The following COL16A1 variants were observed in gnomAD, a reference collection of about 807,000 sequenced individuals.
COL16A1 encodes the protein collagen type XVI alpha 1 chain.
A neutral mutation model predicts 266.3 loss-of-function variants in COL16A1; 189 were observed. The ratio of observed to expected loss-of-function variants is 0.71; its 90% CI spans 0.63 to 0.80. The LOEUF (loss-of-function observed/expected upper bound fraction) is 0.80, where lower values mean the gene tolerates loss of function less well. Among genes scored for constraint, COL16A1 ranks in the 30% least tolerant of loss-of-function variants. The probability of loss-of-function intolerance (pLI) is 0.00; values close to 1 mark genes in which losing one functional copy is unlikely to be tolerated. For missense variants in COL16A1, 1,928 were observed against 2,122.4 expected (o/e 0.91, Z 1.80); for synonymous variants, 740 against 782.3 (o/e 0.95, Z 0.90).
In COL16A1 at chr1:31,698,731, A is replaced by G. The variant is rs188396509; in HGVS notation, c.267-125T>C. The G allele has an allele frequency of 2.6e-5, 37 of 1,441,256 alleles. No homozygotes were observed. In the African/African-American group the frequency reaches 4.7e-4, roughly 18 times the overall value. The allele number at this position is 1,441,256 out of a possible 1,614,324, so 89.3% of individuals were successfully genotyped here. ...CAGGCACACATCTTCCATCATATAC[A>G]TTCATTCACTCTCCATACCTTTACT... On this transcript the variant is annotated intron_variant, in intron 4 of 70. Transcript: ENST00000373672. This position sits in a 1 kb window ranked among gnomAD's most constrained non-coding sequence, Gnocchi z 4.1.
At chr1:31,699,337 A>G (rs1259592836) in intron 4 of COL16A1, among the ~76,000 whole-genome samples, 1 of 152,204 alleles carries the variant, frequency 6.6e-6, no homozygotes, top group Non-Finnish European at 1.5e-5. Flanking sequence ...AAGGAGAGAT[A>G]CTGAAAAAAA....
chr1:31,661,064 A>G lies in COL16A1; in HGVS notation c.3825+2T>C. 1 of 1,562,246 alleles carries G rather than the reference A, an allele frequency of 6.4e-7. No homozygotes were observed. On this transcript the variant is annotated splice_donor_variant, in intron 61 of 70. Coordinates refer to ENST00000373672, the MANE Select transcript of COL16A1 (RefSeq NM_001856.4). LOFTEE classifies it high-confidence loss of function. The stretch of plus-strand genomic sequence containing the variant: ...GCAGCCATGTGGATCCCTGGCCCTC[A>G]CCTCTGCGCCAGGCCGGCCAGTGCT...
At position 31,661,714 on chromosome 1, in the gene COL16A1, G is replaced by C. The variant is rs759633537; in HGVS notation, c.3682-10C>G. ...CAGGACCAGGGTCCCCCTAGGGAAA[G>C]AGACGAGGAGGATTGAGACAAGAGT... is the stretch of plus-strand genomic sequence containing the variant. On this transcript the variant is annotated splice_polypyrimidine_tract_variant and intron_variant, in intron 58 of 70. Coordinates refer to ENST00000373672, the MANE Select transcript of COL16A1 (RefSeq NM_001856.4). 5.0e-6 allele frequency: 8 copies of C among 1,593,470 alleles called. No individual in the cohort carries two copies. The highest frequency in any genetic ancestry group is 1.4e-5 in the African/African-American group (1 of 73,244).
chr1:31,698,480 C>T lies in COL16A1; in HGVS notation c.390+3G>A. 2.5e-6 allele frequency: 4 copies of T among 1,614,088 alleles called. No homozygotes were observed. Among genetic ancestry groups the T allele is most frequent in the Non-Finnish European group, 3.4e-6 (4 of 1,179,988 alleles). ...AGGCAATCAGGGCACAGGGGAGGTTCACCTGTGGATACCCATTTGCATCGG... is the reference window on the plus strand; with the variant it reads ...AGGCAATCAGGGCACAGGGGAGGTTTACCTGTGGATACCCATTTGCATCGG... On this transcript the variant is annotated splice_donor_region_variant and intron_variant, in intron 5 of 70. Coordinates refer to ENST00000373672, the MANE Select transcript of COL16A1 (RefSeq NM_001856.4). This position sits in a 1 kb window ranked among gnomAD's most constrained non-coding sequence, Gnocchi z 4.1.
At chr1:31,695,808 G>A (rs1009174762) in intron 9 of COL16A1, 21 bp from the exon 10 acceptor site, 34 of 1,609,368 alleles carry the variant, frequency 2.1e-5, no homozygotes, top group Non-Finnish European at 2.7e-5. Context: ...GGTGGGGGGT[G>A]TGGGAATGGG....
intron 29 of COL16A1, 75 bp from the exon 30 acceptor site, chr1:31,684,931 G>A: frequency 1.9e-6 from 3 of 1,607,746 alleles, no homozygotes; most frequent in Non-Finnish European, 2.5e-6. Context: ...CATCAGGCTG[G>A]GGCATACAAC....
intron 22 of COL16A1, 57 bp from the exon 23 acceptor site, chr1:31,689,908 C>T (rs1391484340): frequency 3.3e-6 from 5 of 1,495,886 alleles, no homozygotes; most frequent in Non-Finnish European, 4.7e-6. Context: ...CCAGGGAAGG[C>T]AAGGGGCCTC....
rs773827553 is a variant in COL16A1, at chr1:31,667,620, C to T, written c.3312G>A (p.Lys1104=). The T allele has an allele frequency of 3.7e-6, 6 of 1,605,526 alleles. No homozygotes were observed. The African/African-American group carries it at 4.0e-5, about 11-fold the overall frequency. Residue 1104 remains lysine, a synonymous_variant, in exon 52 of 71, where the codon AAG becomes AAA. Transcript: ENST00000373672. ...CTGACCCGGTGTAGCCACGCTCCCC[C>T]TTGATGCCCTGACAAGTGGCAAAGA... is the stretch of plus-strand genomic sequence containing the variant. The part of the protein sequence containing the change: ...ATGPPGLPGI[K]GERGYTGSAG...
rs1425729283 is a variant in COL16A1, at chr1:31,685,860, G to A, written c.1885-90C>T. On this transcript the variant is annotated intron_variant, in intron 28 of 70. Coordinates refer to ENST00000373672, the MANE Select transcript of COL16A1 (RefSeq NM_001856.4). The surrounding 1 kb of genome is among the most constrained non-coding windows in gnomAD (Gnocchi z 4.0). ...AATCTAGGGCTGGGGAATGTCACTG[G>A]GTCTGACACTGCACCTCTGCTGGGT... 9 of 1,572,682 alleles carry A rather than the reference G, an allele frequency of 5.7e-6. No individual in the cohort carries two copies. In the East Asian group the frequency reaches 1.6e-4, roughly 28 times the overall value.
In COL16A1 at chr1:31,662,346, C is replaced by T; in HGVS notation, c.3669G>A (p.Lys1223=). Residue 1223 remains lysine (K), a synonymous_variant, in exon 58 of 71, where the codon AAG becomes AAA. Transcript: ENST00000373672. ...GLDGLDGKDG[K]PGLRGDPGPA... is the part of the protein sequence containing the mutation. ...CCCATCATCTCACCCTCAAGCCAGG[C>T]TTGCCGTCCTTCCCATCCAAACCAT... is the stretch of plus-strand genomic sequence containing the variant. The T allele has an allele frequency of 6.2e-7, 1 of 1,608,856 alleles. No individual in the cohort carries two copies. The highest frequency in any genetic ancestry group is 8.5e-7 in the Non-Finnish European group (1 of 1,177,266).
At chr1:31,660,012 T>C (rs991064165) in intron 62 of COL16A1, 3 of 139,474 alleles carry the variant, frequency 2.2e-5, no homozygotes, top group African/African-American at 7.6e-5. Context: ...GAAAGCCTCC[T>C]GGAAATTATT....
At chr1:31,679,283 A>C (rs1436378640) in intron 42 of COL16A1, 1 of 954,514 alleles carries the variant, frequency 1.0e-6, no homozygotes, top group African/African-American at 1.6e-5. Flanking sequence ...GCCAGAAAAT[A>C]GCAAATGTGC....
chr1:31,683,184 A>T lies in COL16A1; in HGVS notation c.2469+10T>A. The T allele has an allele frequency of 1.2e-6, 2 of 1,614,124 alleles. No homozygotes were observed. The highest frequency in any genetic ancestry group is 1.7e-6 in the Non-Finnish European group (2 of 1,180,012). ...CTGCAGGCCCAATACCCATGGAGGC[A>T]GAGGCTCACCTGGGCACCCTTCTCT... On this transcript the variant is annotated intron_variant, in intron 36 of 70. Transcript: ENST00000373672.
At chr1:31,683,769 T>G in intron 33 of COL16A1, 21 bp from the exon 34 acceptor site, 1 of 1,613,978 alleles carries the variant, frequency 6.2e-7, no homozygotes, top group Non-Finnish European at 8.5e-7. Flanking sequence ...AGAAGGACAG[T>G]CCCTGGCTCG....
chr1:31,675,807 C>T (rs1643134083), intron 42 of COL16A1, among the ~76,000 whole-genome samples: 1 of 152,098 alleles, frequency 6.6e-6, no homozygotes, highest in Non-Finnish European at 1.5e-5. Flanking sequence ...ACTAGAGGCG[C>T]TCACCACCAT....
In COL16A1 at chr1:31,670,859, T is replaced by C. The variant is rs992063999; in HGVS notation, c.3151-213A>G. On this transcript the variant is annotated intron_variant, in intron 48 of 70. Transcript: ENST00000373672. This position sits in a 1 kb window ranked among gnomAD's most constrained non-coding sequence, Gnocchi z 4.5. The stretch of plus-strand genomic sequence containing the variant: ...AGAATGGCTCCTCCGTTGACGGAGA[T>C]GCGGAATGGCTCCAGAGTCAGAGGG... 1.3e-5 allele frequency among the ~76,000 whole-genome samples: 2 copies of C among 152,210 alleles called. No homozygotes were observed. The highest frequency in any genetic ancestry group is 2.4e-5 in the African/African-American group (1 of 41,456).
At chr1:31,689,545 A>G (rs768107147) in intron 23 of COL16A1, 196 bp downstream of exon 23, 5 of 605,310 alleles carry the variant, frequency 8.3e-6, no homozygotes, top group Non-Finnish European at 1.5e-5. Context: ...TGGAGACCGG[A>G]GGTGGCACTC....
chr1:31,692,721 CTGGCCCCATA>C (rs777377944), intron 14 of COL16A1, 36 bp downstream of exon 14: 139 of 1,612,938 alleles, frequency 8.6e-5, no homozygotes, highest in Non-Finnish European at 1.2e-4. Context: ...TCCCCAGGGG[CTGGCCCCATA>C]TTGGCCCTGA....
intron 16 of COL16A1, 133 bp downstream of exon 16, chr1:31,692,341 G>A (rs1644308929): frequency 1.4e-6 from 2 of 1,404,898 alleles, no homozygotes; most frequent in Admixed American, 2.5e-5. Context: ...TGGGGGAGAT[G>A]GGGGAGGGAG....
Sources: gnomAD v4.1 joint callset for allele counts (sites outside exome capture counted in the v4.1 genomes callset) on GRCh38, gnomAD v4.1.1 for gene constraint, Gnocchi (gnomAD v3.1) non-coding constraint, MANE v1.5 for transcripts, NCBI Gene and HGNC (gene_info 2026-07-23, HGNC 2026-07-21) for gene names.